JAKMIP2: variants seen among roughly 807,000 people sequenced by gnomAD.
JAKMIP2 encodes janus kinase and microtubule interacting protein 2.
A neutral mutation model predicts 115.0 loss-of-function variants in JAKMIP2; 25 were observed. The observed-to-expected ratio is 0.22, with a 90% CI of 0.16 to 0.30. The LOEUF (loss-of-function observed/expected upper bound fraction) is 0.30. JAKMIP2 is among the 10% of genes least tolerant of loss of function. The pLI, the probability that JAKMIP2 is intolerant of heterozygous loss-of-function variation, is 1.00. For synonymous variants in JAKMIP2, 334 were observed against 343.6 expected (o/e 0.97, Z 0.31); for missense variants, 642 against 957.6 (o/e 0.67, Z 4.35).
chr5:147,671,155 A>C lies in JAKMIP2; in HGVS notation c.129+523T>G, dbSNP rs143140911. Among the ~76,000 whole-genome samples, 1,106 of 151,870 alleles carry C rather than the reference A, an allele frequency of 7.3e-3. 13 individuals are homozygous for C. The highest frequency in any genetic ancestry group is 0.025 in the African/African-American group (1,047 of 41,168). The stretch of plus-strand genomic sequence containing the variant: ...TCCAGCAAAAATAGGAAACAGAATG[A>C]TCGAGAGAGAGAAGTGGGAGATGAG... On this transcript the variant is annotated intron_variant, in intron 2 of 21. Coordinates refer to ENST00000616793, the MANE Select transcript of JAKMIP2 (RefSeq NM_001270941.2).
At chr5:147,687,838 TA>T (rs1283718104) in intron 1 of JAKMIP2, among the ~76,000 whole-genome samples, 6 of 152,184 alleles carry the variant, frequency 3.9e-5, no homozygotes, top group African/African-American at 1.4e-4. Context: ...ATTAACTCAT[TA>T]AAACAAATTC....
chr5:147,692,339 C>G (rs1020514565), intron 1 of JAKMIP2, among the ~76,000 whole-genome samples: 3 of 152,200 alleles, frequency 2.0e-5, no homozygotes, highest in African/African-American at 7.2e-5. Context: ...TTGCTGACAC[C>G]CAGTTTCAGA....
chr5:147,643,018 A>C (rs1013780412), intron 7 of JAKMIP2, among the ~76,000 whole-genome samples: 5 of 152,018 alleles, frequency 3.3e-5, no homozygotes, highest in African/African-American at 1.2e-4. Context: ...CAAGTTCTTC[A>C]GCTTTGGGAC....
At chr5:147,622,802 T>C (rs1200205496) in intron 17 of JAKMIP2, among the ~76,000 whole-genome samples, 3 of 152,228 alleles carry the variant, frequency 2.0e-5, no homozygotes. Context: ...ATAGTAATTC[T>C]ATTTTGATTT....
At chr5:147,658,680 G>A (rs1248398720) in intron 3 of JAKMIP2, among the ~76,000 whole-genome samples, 2 of 152,124 alleles carry the variant, frequency 1.3e-5, no homozygotes, top group Non-Finnish European at 2.9e-5. Flanking sequence ...AGTTCTGTCT[G>A]TAAGCCCCTG....
intron 1 of JAKMIP2, among the ~76,000 whole-genome samples, chr5:147,777,830 C>A (rs1755618694): frequency 6.6e-6 from 1 of 151,898 alleles, no homozygotes; most frequent in Admixed American, 6.5e-5. Context: ...CCAGTATGTG[C>A]CTAGGGCATT....
chr5:147,602,654 C>T (rs1023815040), intron 20 of JAKMIP2, among the ~76,000 whole-genome samples: 23 of 152,080 alleles, frequency 1.5e-4, no homozygotes, highest in Admixed American at 9.8e-4. Context: ...TATAACTAAC[C>T]GTATACTAAC....
chr5:147,644,293 C>A, intron 6 of JAKMIP2, 95 bp from the exon 7 acceptor site: 1 of 1,248,782 alleles, frequency 8.0e-7, no homozygotes, highest in East Asian at 2.4e-5. Flanking sequence ...TATGAGGCTC[C>A]AGCTAAATTT....
At chr5:147,673,413 C>T (rs1266315652) in intron 1 of JAKMIP2, among the ~76,000 whole-genome samples, 3 of 152,184 alleles carry the variant, frequency 2.0e-5, no homozygotes, top group Non-Finnish European at 4.4e-5. Context: ...CTGCTGCTCT[C>T]TTAAGACCCT....
intron 7 of JAKMIP2, among the ~76,000 whole-genome samples, chr5:147,642,800 T>A (rs1052383913): frequency 2.0e-5 from 3 of 152,152 alleles, no homozygotes; most frequent in Non-Finnish European, 4.4e-5. Context: ...CCTGGGTGTG[T>A]CTACGTGGGT....
intron 1 of JAKMIP2, among the ~76,000 whole-genome samples, chr5:147,751,746 T>C (rs1189567218): frequency 6.6e-6 from 1 of 152,018 alleles, no homozygotes; most frequent in East Asian, 1.9e-4. Context: ...TACAATTCCA[T>C]CTCCTTAGGC....
intron 1 of JAKMIP2, among the ~76,000 whole-genome samples, chr5:147,678,357 T>G (rs1398365769): frequency 6.6e-6 from 1 of 152,190 alleles, no homozygotes; most frequent in Non-Finnish European, 1.5e-5. Context: ...GAGTATGACC[T>G]TTTCAGATTT....
At chr5:147,640,197 A>T (rs1163800917) in intron 9 of JAKMIP2, among the ~76,000 whole-genome samples, 1 of 152,148 alleles carries the variant, frequency 6.6e-6, no homozygotes. Flanking sequence ...ATTGCATTAC[A>T]TCTTAAACTT....
chr5:147,683,417 G>T (rs6874858), intron 1 of JAKMIP2, among the ~76,000 whole-genome samples: 1 of 151,916 alleles, frequency 6.6e-6, no homozygotes, highest in Non-Finnish European at 1.5e-5. Context: ...ACTTGAACCC[G>T]GGAGGCGGAT....
intron 1 of JAKMIP2, among the ~76,000 whole-genome samples, chr5:147,734,046 C>G (rs1352429621): frequency 6.6e-6 from 1 of 152,154 alleles, no homozygotes; most frequent in Non-Finnish European, 1.5e-5. Context: ...GCCACACTGT[C>G]TTCCACAATG....
At chr5:147,631,339 G>C in intron 14 of JAKMIP2, 74 bp downstream of exon 14, 1 of 848,534 alleles carries the variant, frequency 1.2e-6, no homozygotes, top group Non-Finnish European at 1.9e-6. Context: ...CAAAATAGTC[G>C]TAAGTAACCT....
At chr5:147,597,894 T>G (rs1044662271) in intron 21 of JAKMIP2, among the ~76,000 whole-genome samples, 1 of 152,218 alleles carries the variant, frequency 6.6e-6, no homozygotes, top group Admixed American at 6.5e-5. Flanking sequence ...GCCTTTGGAC[T>G]CTGGGACTTG....
At chr5:147,708,662 G>A (rs1200555843) in intron 1 of JAKMIP2, among the ~76,000 whole-genome samples, 1 of 152,164 alleles carries the variant, frequency 6.6e-6, no homozygotes, top group Non-Finnish European at 1.5e-5. Flanking sequence ...CTGAAATCGA[G>A]ATGCTTTTTA....
intron 1 of JAKMIP2, among the ~76,000 whole-genome samples, chr5:147,735,505 C>G (rs1753888190): frequency 1.3e-5 from 2 of 152,188 alleles, no homozygotes; most frequent in South Asian, 4.1e-4. Context: ...TTTATAAAAT[C>G]ATCAGCTCTC....
Sources: allele counts gnomAD v4.1 joint callset (sites outside exome capture counted in the v4.1 genomes callset), GRCh38; gene constraint gnomAD v4.1.1; transcripts MANE v1.5; gene names NCBI Gene and HGNC (gene_info 2026-07-23, HGNC 2026-07-21).